MECOM: variants seen among roughly 807,000 people sequenced by gnomAD.
MECOM encodes the protein MDS1 and EVI1 complex locus, also known as histone-lysine N-methyltransferase MECOM.
A neutral mutation model predicts 116.3 loss-of-function variants in MECOM; 13 were observed. The observed-to-expected ratio is 0.11, with a 90% CI of 0.07 to 0.18. The LOEUF (loss-of-function observed/expected upper bound fraction) is 0.18, where lower values mean the gene tolerates loss of function less well. Ranked by LOEUF, MECOM falls within the 10% of genes least tolerant of loss-of-function variation. The pLI is 1.00. For missense variants in MECOM, 1,299 were observed against 1,509.0 expected (o/e 0.86, Z 2.31); for synonymous variants, 528 against 535.2 (o/e 0.99, Z 0.19).
intron 1 of MECOM, among the ~76,000 whole-genome samples, chr3:169,476,328 T>C (rs1750369334): frequency 6.6e-6 from 1 of 152,246 alleles, no homozygotes; most frequent in Non-Finnish European, 1.5e-5. Context: ...ATAACTCTTA[T>C]CTAACCACCA....
intron 1 of MECOM, among the ~76,000 whole-genome samples, chr3:169,520,064 C>T (rs1330805905): frequency 6.6e-6 from 1 of 152,184 alleles, no homozygotes; most frequent in Non-Finnish European, 1.5e-5. Flanking sequence ...AAAAGCTTTT[C>T]TTATTAGTTT....
At chr3:169,283,758 T>C (rs889078612) in intron 2 of MECOM, among the ~76,000 whole-genome samples, 25 of 152,350 alleles carry the variant, frequency 1.6e-4, no homozygotes, top group Admixed American at 9.8e-4. Flanking sequence ...GAAATGGTGA[T>C]AGAGTTACAT....
At chr3:169,324,038 A>G (rs1316012226) in intron 2 of MECOM, among the ~76,000 whole-genome samples, 1 of 152,170 alleles carries the variant, frequency 6.6e-6, no homozygotes, top group Non-Finnish European at 1.5e-5. Context: ...ACAGGGAAGT[A>G]TTTCTTTCCT....
At chr3:169,352,952 T>C (rs1270235266) in intron 2 of MECOM, among the ~76,000 whole-genome samples, 1 of 151,922 alleles carries the variant, frequency 6.6e-6, no homozygotes, top group Admixed American at 6.6e-5. Context: ...TGAATGAGGG[T>C]TAGAGCTTTG....
chr3:169,562,483 G>A (rs772122379), intron 1 of MECOM, among the ~76,000 whole-genome samples: 15 of 152,126 alleles, frequency 9.9e-5, no homozygotes, highest in Non-Finnish European at 1.6e-4. Flanking sequence ...AGATTGCAGC[G>A]TATTATGGTG....
At chr3:169,539,837 C>T (rs1759859456) in intron 1 of MECOM, among the ~76,000 whole-genome samples, 1 of 152,100 alleles carries the variant, frequency 6.6e-6, no homozygotes, top group Non-Finnish European at 1.5e-5. Flanking sequence ...GTGACAAAAC[C>T]CCCTACCCTC....
At chr3:169,099,043 T>C (rs1722651511) in intron 12 of MECOM, among the ~76,000 whole-genome samples, 1 of 152,040 alleles carries the variant, frequency 6.6e-6, no homozygotes, top group South Asian at 2.1e-4. Context: ...GCAGTTATTA[T>C]TGTGGTGTCC....
At chr3:169,542,106 A>G (rs1366710162) in intron 1 of MECOM, among the ~76,000 whole-genome samples, 3 of 152,192 alleles carry the variant, frequency 2.0e-5, no homozygotes, top group Non-Finnish European at 4.4e-5. Flanking sequence ...TCCCCACCAG[A>G]GACCTCTGAA....
chr3:169,164,740 T>C (rs892149345), intron 2 of MECOM, among the ~76,000 whole-genome samples: 2 of 150,910 alleles, frequency 1.3e-5, no homozygotes, highest in African/African-American at 4.8e-5. Context: ...TTTAACATTA[T>C]GTCATTAAAC....
At chr3:169,511,437 T>A (rs1755939700) in intron 1 of MECOM, among the ~76,000 whole-genome samples, 1 of 152,200 alleles carries the variant, frequency 6.6e-6, no homozygotes, top group Admixed American at 6.5e-5. Flanking sequence ...CTAGGATTCT[T>A]CCCATACTTG....
At position 169,186,341 on chromosome 3, in the gene MECOM, G is replaced by A. The variant is rs1289891464; in HGVS notation, c.376-42509C>T. Among the ~76,000 whole-genome samples the A allele has an allele frequency of 1.2e-4, 13 of 110,044 alleles. No homozygotes were observed. In the Admixed American group the frequency reaches 1.2e-3, roughly 10 times the overall value. 72.2% of individuals were successfully genotyped at this position (110,044 alleles called of 152,430 possible). On this transcript the variant is annotated intron_variant, in intron 2 of 16. Transcript: ENST00000651503. ...GGAAGAAAGGAAGGAAGGAGGGAGG[G>A]AGGGAAGGAAGGAAGGAAGGAAGGA... is the stretch of plus-strand genomic sequence containing the variant.
At chr3:169,306,587 A>C (rs1717740995) in intron 2 of MECOM, among the ~76,000 whole-genome samples, 3 of 152,200 alleles carry the variant, frequency 2.0e-5, no homozygotes, top group Admixed American at 2.0e-4. Context: ...AGGCTGAGGC[A>C]GGAGAATCAC....
chr3:169,630,228 C>T (rs1771918327), intron 1 of MECOM, among the ~76,000 whole-genome samples: 1 of 152,168 alleles, frequency 6.6e-6, no homozygotes, highest in Non-Finnish European at 1.5e-5. Context: ...AATATCATCT[C>T]TGCTAAAGAC....
intron 2 of MECOM, among the ~76,000 whole-genome samples, chr3:169,347,905 T>C (rs1560160615): frequency 6.6e-6 from 1 of 151,972 alleles, no homozygotes; most frequent in African/African-American, 2.4e-5. Context: ...AATAGCCTAC[T>C]TGAGCAGTCT....
intron 1 of MECOM, among the ~76,000 whole-genome samples, chr3:169,582,482 T>C (rs1047155389): frequency 2.6e-5 from 4 of 152,094 alleles, no homozygotes; most frequent in Non-Finnish European, 5.9e-5. Context: ...GAAGAAAATT[T>C]TTAAAGGGAG....
intron 3 of MECOM, chr3:169,131,933 T>C: frequency 2.0e-6 from 2 of 999,170 alleles, no homozygotes; most frequent in Non-Finnish European, 2.4e-6. Context: ...TAGCCTAGCT[T>C]ACCTTGTACC....
At chr3:169,171,168 G>A (rs71306626) in intron 2 of MECOM, among the ~76,000 whole-genome samples, 14,834 of 152,054 alleles carry the variant, frequency 0.098, 938 homozygotes, top group Non-Finnish European at 0.14. Context: ...ACCTTTTGTG[G>A]CAAAGAAACA....
chr3:169,496,452 T>C (rs958216511), intron 1 of MECOM, among the ~76,000 whole-genome samples: 8 of 152,230 alleles, frequency 5.3e-5, no homozygotes, highest in South Asian at 2.1e-4. Flanking sequence ...CCATGATCCA[T>C]ACCTCATTTG....
intron 2 of MECOM, among the ~76,000 whole-genome samples, chr3:169,283,031 T>C (rs1712460227): frequency 6.6e-6 from 1 of 152,092 alleles, no homozygotes; most frequent in Non-Finnish European, 1.5e-5. Context: ...TTCAATCACA[T>C]CTAGAATTCG....
Sources: allele counts gnomAD v4.1 joint callset (sites outside exome capture counted in the v4.1 genomes callset), GRCh38; gene constraint gnomAD v4.1.1; transcripts MANE v1.5; gene names NCBI Gene and HGNC (gene_info 2026-07-23, HGNC 2026-07-21).